The following THRB variants were observed in gnomAD, a reference collection of about 807,000 sequenced individuals.
The protein encoded by THRB is nuclear receptor subfamily 1 group A member 2.
THRB carries 12 observed loss-of-function variants against 47.8 expected under a neutral mutation model. That is an observed-to-expected ratio of 0.25 (90% confidence interval 0.16 to 0.41). The LOEUF is 0.41. THRB is among the 10% of genes least tolerant of loss of function. THRB has a pLI of 1.00. For missense variants in THRB, 348 were observed against 589.2 expected (o/e 0.59, Z 4.24); for synonymous variants, 218 against 212.2 (o/e 1.03, Z -0.24).
At chr3:24,186,688 G>A (rs1177557799) in intron 5 of THRB, among the ~76,000 whole-genome samples, 1 of 152,142 alleles carries the variant, frequency 6.6e-6, no homozygotes, top group Non-Finnish European at 1.5e-5. Flanking sequence ...GCTCATGCCT[G>A]TAATCTCACC....
chr3:24,300,714 T>C (rs1476116306), intron 2 of THRB, among the ~76,000 whole-genome samples: 1 of 152,230 alleles, frequency 6.6e-6, no homozygotes, highest in African/African-American at 2.4e-5. Context: ...CTTTGAAATA[T>C]TTGCTAATTA....
At chr3:24,327,971 AT>A (rs1406118577) in intron 2 of THRB, among the ~76,000 whole-genome samples, 1 of 152,242 alleles carries the variant, frequency 6.6e-6, no homozygotes, top group Non-Finnish European at 1.5e-5. Flanking sequence ...ATTAAAAAAA[AT>A]CAATACCCTA....
chr3:24,465,956 T>C (rs934577417), intron 1 of THRB, among the ~76,000 whole-genome samples: 18 of 152,160 alleles, frequency 1.2e-4, no homozygotes, highest in African/African-American at 4.3e-4. Flanking sequence ...TCTTCCTTCC[T>C]AGAGATAATC....
intron 1 of THRB, among the ~76,000 whole-genome samples, chr3:24,438,506 G>GGTGTGTGTGTGTGT (rs145050133): frequency 7.3e-4 from 106 of 145,968 alleles, no homozygotes; most frequent in Admixed American, 1.2e-3. Flanking sequence ...AGAACAAAAA[G>GGTGTGTGTGTGTGT]GTGTGTGTGT....
intron 3 of THRB, among the ~76,000 whole-genome samples, chr3:24,244,816 T>C (rs78692421): frequency 0.027 from 4,155 of 152,296 alleles, 91 homozygotes; most frequent in Middle Eastern, 0.061. Context: ...TAATAACATA[T>C]ATGGAACAAT....
intron 5 of THRB, chr3:24,165,417 C>G (rs2039515418): frequency 5.7e-6 from 4 of 703,636 alleles, no homozygotes; most frequent in Non-Finnish European, 1.0e-5. Context: ...CATTCTCCAG[C>G]CCCATACACC....
chr3:24,311,082 A>G (rs1400184562), intron 2 of THRB, among the ~76,000 whole-genome samples: 1 of 152,116 alleles, frequency 6.6e-6, no homozygotes, highest in African/African-American at 2.4e-5. Context: ...CTTATAAAAC[A>G]CCACACAGCC....
chr3:24,393,855 T>C (rs572112599), intron 1 of THRB, among the ~76,000 whole-genome samples: 54 of 152,266 alleles, frequency 3.5e-4, no homozygotes, highest in Admixed American at 9.8e-4. Context: ...ATGTCCATTT[T>C]TGCTAATGGC....
At chr3:24,259,271 G>C (rs930050911) in intron 3 of THRB, among the ~76,000 whole-genome samples, 1 of 152,104 alleles carries the variant, frequency 6.6e-6, no homozygotes, top group Non-Finnish European at 1.5e-5. Flanking sequence ...GATACATGAA[G>C]CAAGTAGGTG....
At chr3:24,347,520 TAAA>T (rs1445777429) in intron 1 of THRB, among the ~76,000 whole-genome samples, 1 of 150,592 alleles carries the variant, frequency 6.6e-6, no homozygotes, top group African/African-American at 2.4e-5. Context: ...TTTATTAAGA[TAAA>T]AGAAGAGAAA....
intron 4 of THRB, among the ~76,000 whole-genome samples, chr3:24,213,458 C>A (rs985300194): frequency 3.9e-5 from 6 of 152,208 alleles, no homozygotes; most frequent in Admixed American, 3.3e-4. Flanking sequence ...ACTGTCCCTG[C>A]CTGAAACAGA....
At chr3:24,344,573 A>G (rs1235899991) in intron 1 of THRB, among the ~76,000 whole-genome samples, 1 of 152,104 alleles carries the variant, frequency 6.6e-6, no homozygotes, top group Non-Finnish European at 1.5e-5. Context: ...TTCTCACAAA[A>G]TTGTAAAAAA....
At chr3:24,292,319 A>G (rs750122927) in intron 3 of THRB, among the ~76,000 whole-genome samples, 1 of 152,210 alleles carries the variant, frequency 6.6e-6, no homozygotes, top group Non-Finnish European at 1.5e-5. Flanking sequence ...TATTTTTACC[A>G]TAAACATGGA....
At chr3:24,469,520 G>T (rs1216083616) in intron 1 of THRB, among the ~76,000 whole-genome samples, 2 of 152,158 alleles carry the variant, frequency 1.3e-5, no homozygotes, top group Admixed American at 1.3e-4. Flanking sequence ...TGTCTCAGAT[G>T]TTCTCATTAC....
In THRB at chr3:24,425,688, T is replaced by C. The variant is rs370827194; in HGVS notation, c.-261+68964A>G. On this transcript the variant is annotated intron_variant, in intron 1 of 10. Coordinates refer to ENST00000646209, the MANE Select transcript of THRB (RefSeq NM_001354712.2). ...GAACAAAATTTAGTCCTTCTCTGAT[T>C]ATTAGAGATCTTGTGGTGCCTATGG... is the stretch of plus-strand genomic sequence containing the variant. 2.6e-5 allele frequency among the ~76,000 whole-genome samples: 4 copies of C among 151,950 alleles called. 1 individual carries two copies. The East Asian group carries it at 5.8e-4, about 22-fold the overall frequency.
intron 2 of THRB, among the ~76,000 whole-genome samples, chr3:24,313,237 C>T (rs181020789): frequency 3.4e-4 from 52 of 152,284 alleles, no homozygotes; most frequent in African/African-American, 1.2e-3. Context: ...TCTTTCCTCT[C>T]AACCACTCGG....
intron 1 of THRB, among the ~76,000 whole-genome samples, chr3:24,359,980 T>C (rs542951219): frequency 2.0e-5 from 3 of 152,288 alleles, no homozygotes; most frequent in African/African-American, 7.2e-5. Context: ...ATTTTGAAGA[T>C]TAACTGTGAA....
intron 3 of THRB, among the ~76,000 whole-genome samples, chr3:24,234,813 A>G (rs1221723790): frequency 6.6e-6 from 1 of 152,240 alleles, no homozygotes; most frequent in African/African-American, 2.4e-5. Flanking sequence ...GATGAAAAGC[A>G]TGGCTTAGAA....
intron 5 of THRB, among the ~76,000 whole-genome samples, chr3:24,184,834 G>A (rs995689756): frequency 2.0e-5 from 3 of 152,166 alleles, no homozygotes; most frequent in Non-Finnish European, 4.4e-5. Context: ...TGGCGGAAGG[G>A]CACAAGCTTT....
Sources: allele counts gnomAD v4.1 joint callset (sites outside exome capture counted in the v4.1 genomes callset), GRCh38; gene constraint gnomAD v4.1.1; transcripts MANE v1.5; gene names NCBI Gene and HGNC (gene_info 2026-07-23, HGNC 2026-07-21).